The following NAALADL2 variants were observed in gnomAD, a reference collection of about 807,000 sequenced individuals.
NAALADL2 encodes N-acetylated alpha-linked acidic dipeptidase like 2, also known as inactive N-acetylated-alpha-linked acidic dipeptidase-like protein 2.
Under a neutral mutation model 87.2 loss-of-function variants are expected in NAALADL2, and 76 were observed. The observed-to-expected ratio is 0.87, with a 90% CI of 0.72 to 1.05. The LOEUF (loss-of-function observed/expected upper bound fraction) is 1.05, where lower values mean the gene tolerates loss of function less well. NAALADL2 is among the 50% of genes least tolerant of loss of function. The pLI is 0.00. For synonymous variants in NAALADL2, 354 were observed against 331.0 expected, an observed-to-expected ratio of 1.07 and a Z score of -0.75; for missense variants, 1,089 against 945.8, an observed-to-expected ratio of 1.15 and a Z score of -1.99.
At chr3:174,499,054 A>C (rs1718724132) in intron 1 of NAALADL2, among the ~76,000 whole-genome samples, 1 of 152,090 alleles carries the variant, frequency 6.6e-6, no homozygotes, top group Non-Finnish European at 1.5e-5. Flanking sequence ...TATAATTGTT[A>C]ATCTCTGACT....
intron 11 of NAALADL2, among the ~76,000 whole-genome samples, chr3:175,628,039 A>G (rs895068828): frequency 1.3e-5 from 2 of 151,702 alleles, no homozygotes; most frequent in African/African-American, 4.8e-5. Context: ...TGGCAATCAT[A>G]CTTATATTTT....
chr3:175,199,989 T>TA (rs1739791500), intron 2 of NAALADL2, among the ~76,000 whole-genome samples: 1 of 147,090 alleles, frequency 6.8e-6, no homozygotes, highest in African/African-American at 2.5e-5. Flanking sequence ...TAGAAATAAA[T>TA]ACTCTTTCAG....
At chr3:174,629,090 A>G (rs1721869255) in intron 2 of NAALADL2, among the ~76,000 whole-genome samples, 1 of 152,234 alleles carries the variant, frequency 6.6e-6, no homozygotes, top group Admixed American at 6.5e-5. Context: ...ATAGTGAATC[A>G]CTAGTGACAA....
chr3:175,098,389 T>G (rs1721516708), intron 2 of NAALADL2, among the ~76,000 whole-genome samples: 1 of 152,146 alleles, frequency 6.6e-6, no homozygotes. Flanking sequence ...CAGGAACTGA[T>G]AAGCCAATCA....
chr3:175,318,508 TTTTA>T (rs377207638), intron 4 of NAALADL2, among the ~76,000 whole-genome samples: 141 of 152,296 alleles, frequency 9.3e-4, no homozygotes, highest in East Asian at 9.3e-3. Context: ...TTTTGTTAGT[TTTTA>T]TTTATTTAAA....
At chr3:175,781,430 AAAC>A (rs1437754328) in intron 13 of NAALADL2, among the ~76,000 whole-genome samples, 1 of 152,142 alleles carries the variant, frequency 6.6e-6, no homozygotes, top group Non-Finnish European at 1.5e-5. Context: ...ATGATGGTAT[AAAC>A]AAACTTACTG....
intron 1 of NAALADL2, among the ~76,000 whole-genome samples, chr3:174,986,991 A>C (rs1745964399): frequency 6.6e-6 from 1 of 152,154 alleles, no homozygotes; most frequent in Non-Finnish European, 1.5e-5. Flanking sequence ...TTTCAGACCA[A>C]ACACTTGATA....
chr3:174,821,385 A>C (rs190054859), intron 3 of NAALADL2, among the ~76,000 whole-genome samples: 1 of 152,222 alleles, frequency 6.6e-6, no homozygotes. Flanking sequence ...CATATAGTAG[A>C]TGATCTGGTA....
chr3:175,524,223 T>C (rs531613880), intron 9 of NAALADL2, among the ~76,000 whole-genome samples: 66 of 152,318 alleles, frequency 4.3e-4, no homozygotes, highest in African/African-American at 1.5e-3. Flanking sequence ...GTTTTGGTCT[T>C]TAGGAAGATG....
intron 9 of NAALADL2, among the ~76,000 whole-genome samples, chr3:175,572,282 T>C (rs1032058862): frequency 1.3e-5 from 2 of 152,108 alleles, no homozygotes; most frequent in Non-Finnish European, 2.9e-5. Flanking sequence ...TTCTATATGC[T>C]ATCCCCTCTC....
intron 2 of NAALADL2, among the ~76,000 whole-genome samples, chr3:174,574,590 T>C (rs576351430): frequency 1.3e-5 from 2 of 152,322 alleles, no homozygotes; most frequent in South Asian, 2.1e-4. Flanking sequence ...TTTATAGTTA[T>C]AGTGAAATAC....
intron 1 of NAALADL2, among the ~76,000 whole-genome samples, chr3:175,095,491 T>C (rs1044537842): frequency 6.6e-6 from 1 of 152,058 alleles, no homozygotes; most frequent in East Asian, 1.9e-4. Flanking sequence ...TAGGGCAGCA[T>C]ATGAAAATTC....
At chr3:175,694,601 A>C (rs1737492879) in intron 11 of NAALADL2, among the ~76,000 whole-genome samples, 1 of 152,116 alleles carries the variant, frequency 6.6e-6, no homozygotes. Context: ...ACTTTGACTA[A>C]GTGTGTCTAC....
At chr3:175,013,301 A>T (rs4361284) in intron 1 of NAALADL2, among the ~76,000 whole-genome samples, 50,590 of 72,442 alleles carry the variant, frequency 0.7, 18,247 homozygotes, top group African/African-American at 0.76. Context: ...ATATATATAT[A>T]TTTTTTTTTT....
intron 9 of NAALADL2, among the ~76,000 whole-genome samples, 172 bp downstream of exon 9, chr3:175,471,930 A>G (rs9879221): frequency 0.54 from 81,760 of 151,930 alleles, 22,768 homozygotes; most frequent in East Asian, 0.69. Flanking sequence ...CTAATTTCTT[A>G]TGTTCTGGAA....
At chr3:174,806,210 G>C (rs1392150120) in intron 3 of NAALADL2, among the ~76,000 whole-genome samples, 1 of 152,072 alleles carries the variant, frequency 6.6e-6, no homozygotes, top group Non-Finnish European at 1.5e-5. Context: ...CTGCCTTTAG[G>C]ACCCAATACC....
intron 10 of NAALADL2, among the ~76,000 whole-genome samples, chr3:175,608,955 C>CAT (rs55740376): frequency 0.93 from 141,109 of 151,800 alleles, 65,668 homozygotes; most frequent in Admixed American, 0.95. Context: ...CACCATAAAA[C>CAT]ATACCAAAGA....
In NAALADL2 at chr3:174,584,841, C is replaced by T. The variant is rs201123131; in HGVS notation, c.-115+34204C>T. Among the ~76,000 whole-genome samples, 4 of 152,220 alleles carry T rather than the reference C, an allele frequency of 2.6e-5. No individual in the cohort carries two copies. The East Asian group carries it at 7.7e-4, about 29-fold the overall frequency. On this transcript the variant is annotated intron_variant, in intron 2 of 3. Coordinates refer to the NAALADL2 transcript ENST00000434257. The stretch of plus-strand genomic sequence containing the variant: ...CCTTAGAACACAGTTCCAGTTTGAT[C>T]AATGAGACTGATTATTCACTGCGAA...
chr3:174,934,086 C>G (rs544152819), intron 1 of NAALADL2, among the ~76,000 whole-genome samples: 1 of 152,182 alleles, frequency 6.6e-6, no homozygotes, highest in Admixed American at 6.5e-5. Context: ...GTCCAACACA[C>G]AAGTTTGGAA....
Sources: gnomAD v4.1 joint callset for allele counts (sites outside exome capture counted in the v4.1 genomes callset) on GRCh38, gnomAD v4.1.1 for gene constraint, MANE v1.5 for transcripts, NCBI Gene and HGNC (gene_info 2026-07-23, HGNC 2026-07-21) for gene names.